Variants in GPM6A observed in about 807,000 individuals in gnomAD.
The protein encoded by GPM6A is glycoprotein M6A, also known as neuronal membrane glycoprotein M6-a.
A neutral mutation model predicts 32.1 loss-of-function variants in GPM6A; 7 were observed. That is an observed-to-expected ratio of 0.22 (90% confidence interval 0.12 to 0.41). GPM6A has a LOEUF of 0.41. Among genes scored for constraint, GPM6A ranks in the 10% least tolerant of loss-of-function variants. The pLI, the probability that GPM6A is intolerant of heterozygous loss-of-function variation, is 1.00. For missense variants in GPM6A, 235 were observed against 347.2 expected (o/e 0.68, Z 2.57); for synonymous variants, 130 against 123.4 (o/e 1.05, Z -0.35).
intron 4 of GPM6A, among the ~76,000 whole-genome samples, chr4:175,647,641 C>T (rs192511041): frequency 3.9e-5 from 6 of 152,184 alleles, no homozygotes; most frequent in African/African-American, 1.4e-4. Context: ...AATACCTAGT[C>T]TCCTGTAAAA....
intron 1 of GPM6A, chr4:175,800,959 A>G: frequency 5.1e-6 from 1 of 196,020 alleles, no homozygotes; most frequent in Non-Finnish European, 1.2e-5. Context: ...AGATTAAAGG[A>G]CATTCTGTCT....
At chr4:175,778,221 A>G (rs1173044089) in intron 1 of GPM6A, among the ~76,000 whole-genome samples, 3 of 152,218 alleles carry the variant, frequency 2.0e-5, no homozygotes, top group Non-Finnish European at 4.4e-5. Flanking sequence ...TGAAGCATTT[A>G]GATTTAGGCT....
chr4:175,651,263 G>T (rs191580442), intron 4 of GPM6A, among the ~76,000 whole-genome samples: 1 of 152,148 alleles, frequency 6.6e-6, no homozygotes, highest in African/African-American at 2.4e-5. Context: ...TTAAAATAGG[G>T]TCTATATGTG....
At chr4:175,666,247 C>T (rs914527734) in intron 3 of GPM6A, among the ~76,000 whole-genome samples, 2 of 151,958 alleles carry the variant, frequency 1.3e-5, no homozygotes, top group African/African-American at 2.4e-5. Flanking sequence ...ACCCGTGTTC[C>T]CAATACAATA....
intron 1 of GPM6A, among the ~76,000 whole-genome samples, chr4:175,753,168 T>C (rs868549212): frequency 5.9e-5 from 9 of 152,168 alleles, no homozygotes; most frequent in Non-Finnish European, 8.8e-5. Context: ...TGTTCCATGT[T>C]CGATATACTT....
At chr4:175,816,277 A>G (rs920197504), upstream of GPM6A, among the ~76,000 whole-genome samples, 1 of 152,200 alleles carries the variant, frequency 6.6e-6, no homozygotes, top group Non-Finnish European at 1.5e-5. Context: ...CCTTTCAAAT[A>G]CTGTCTAAGA....
At chr4:175,735,467 AC>A (rs774252753) in intron 1 of GPM6A, among the ~76,000 whole-genome samples, 2 of 152,202 alleles carry the variant, frequency 1.3e-5, no homozygotes, top group Non-Finnish European at 2.9e-5. Context: ...AGATGATATC[AC>A]TGTAAAATTT....
At chr4:175,807,263 A>T (rs1023486694) in intron 1 of GPM6A, 1 of 152,200 alleles carries the variant, frequency 6.6e-6, no homozygotes, top group Admixed American at 6.5e-5. Context: ...AAAAATCAAA[A>T]TCATCAAGAA....
At chr4:175,933,921 G>A (rs1739140668) in intron 1 of GPM6A, among the ~76,000 whole-genome samples, 2 of 152,172 alleles carry the variant, frequency 1.3e-5, no homozygotes, top group African/African-American at 4.8e-5. Context: ...AATACACTGT[G>A]AATACATACA....
At chr4:175,857,205 A>T (rs1736444578) in intron 1 of GPM6A, among the ~76,000 whole-genome samples, 1 of 152,248 alleles carries the variant, frequency 6.6e-6, no homozygotes, top group Non-Finnish European at 1.5e-5. Flanking sequence ...AAACAAAAAT[A>T]AGCACAAGCA....
intron 1 of GPM6A, among the ~76,000 whole-genome samples, chr4:175,952,550 T>C (rs1300002984): frequency 6.6e-6 from 1 of 152,174 alleles, no homozygotes; most frequent in Non-Finnish European, 1.5e-5. Flanking sequence ...TTTAAATTCT[T>C]CCATTTAAGC....
intron 1 of GPM6A, among the ~76,000 whole-genome samples, chr4:175,731,902 CT>C (rs1731449044): frequency 1.3e-5 from 2 of 151,622 alleles, no homozygotes; most frequent in African/African-American, 4.8e-5. Flanking sequence ...CTGGCTGTTC[CT>C]TGTACCTGTA....
intron 1 of GPM6A, among the ~76,000 whole-genome samples, chr4:175,738,209 A>G (rs1234648237): frequency 6.6e-6 from 1 of 152,128 alleles, no homozygotes; most frequent in Non-Finnish European, 1.5e-5. Flanking sequence ...ATGTGCTGGG[A>G]TTACAGACAT....
intron 4 of GPM6A, among the ~76,000 whole-genome samples, chr4:175,650,471 A>G (rs1167865852): frequency 6.6e-6 from 1 of 151,798 alleles, no homozygotes; most frequent in Non-Finnish European, 1.5e-5. Context: ...TGCCTGGCTA[A>G]TTTTTTAATT....
At chr4:175,915,531 C>A (rs1292879224) in intron 1 of GPM6A, among the ~76,000 whole-genome samples, 1 of 151,994 alleles carries the variant, frequency 6.6e-6, no homozygotes, top group Non-Finnish European at 1.5e-5. Context: ...GTCTCGAACT[C>A]CTGACCTCAA....
chr4:175,775,427 A>G (rs921938236), intron 1 of GPM6A, among the ~76,000 whole-genome samples: 10 of 152,142 alleles, frequency 6.6e-5, no homozygotes, highest in African/African-American at 2.4e-4. Flanking sequence ...AACAAAATGG[A>G]TGTGAGGAAT....
chr4:175,742,507 T>C (rs1018809439), intron 1 of GPM6A, among the ~76,000 whole-genome samples: 8 of 152,190 alleles, frequency 5.3e-5, no homozygotes, highest in African/African-American at 1.9e-4. Context: ...TTCATCCTCT[T>C]TCTATTGAAT....
At chr4:175,694,183 T>A (rs1399020367) in intron 2 of GPM6A, among the ~76,000 whole-genome samples, 1 of 152,116 alleles carries the variant, frequency 6.6e-6, no homozygotes, top group African/African-American at 2.4e-5. Context: ...TTTATAGCAG[T>A]GTGAGAATGG....
chr4:175,785,716 C>T (rs1733772813), intron 1 of GPM6A, among the ~76,000 whole-genome samples: 1 of 152,072 alleles, frequency 6.6e-6, no homozygotes, highest in Non-Finnish European at 1.5e-5. Flanking sequence ...AAGACATATG[C>T]CAGAAAATAA....
Sources: gnomAD v4.1 joint callset for allele counts (sites outside exome capture counted in the v4.1 genomes callset) on GRCh38, gnomAD v4.1.1 for gene constraint, MANE v1.5 for transcripts, NCBI Gene and HGNC (gene_info 2026-07-23, HGNC 2026-07-21) for gene names.